Variants in DDX10 observed in about 807,000 individuals in gnomAD.
DDX10 encodes the protein DEAD-box helicase 10, also known as probable ATP-dependent RNA helicase DDX10.
DDX10 carries 74 observed loss-of-function variants against 104.3 expected under a neutral mutation model. That is an observed-to-expected ratio of 0.71 (90% CI 0.59 to 0.86). DDX10 has a LOEUF of 0.86. Ranked by LOEUF, DDX10 falls within the 40% of genes least tolerant of loss-of-function variation. The pLI, the probability that DDX10 is intolerant of heterozygous loss-of-function variation, is 0.00. For missense variants in DDX10, 952 were observed against 1,040.0 expected (o/e 0.92, Z 1.16); for synonymous variants, 351 against 353.4 (o/e 0.99, Z 0.08).
chr11:108,805,388 G>A (rs995525881), intron 13 of DDX10, among the ~76,000 whole-genome samples: 9 of 152,176 alleles, frequency 5.9e-5, no homozygotes, highest in Admixed American at 1.3e-4. Context: ...AGTTGCTTTT[G>A]TTTAAAGTAG....
At chr11:108,791,188 C>T (rs1329852860) in intron 13 of DDX10, among the ~76,000 whole-genome samples, 1 of 152,212 alleles carries the variant, frequency 6.6e-6, no homozygotes, top group African/African-American at 2.4e-5. Context: ...AGCTACCATG[C>T]TGTGGGAAAA....
intron 17 of DDX10, among the ~76,000 whole-genome samples, chr11:108,933,653 G>A (rs896847779): frequency 7.2e-5 from 11 of 152,122 alleles, no homozygotes; most frequent in Non-Finnish European, 1.5e-4. Flanking sequence ...CGCCATTAGT[G>A]TTTTAATTTT....
At chr11:108,925,204 A>G (rs1863891858) in intron 17 of DDX10, among the ~76,000 whole-genome samples, 2 of 152,342 alleles carry the variant, frequency 1.3e-5, no homozygotes, top group South Asian at 4.1e-4. Context: ...AGGTTGCTAC[A>G]CATTGGGGAA....
chr11:108,889,012 G>A (rs1284514248), intron 16 of DDX10, among the ~76,000 whole-genome samples: 3 of 152,096 alleles, frequency 2.0e-5, no homozygotes, highest in Admixed American at 1.3e-4. Flanking sequence ...TAGAAATAAA[G>A]GCCCATCAAA....
chr11:108,725,338 A>G (rs1265590037), intron 13 of DDX10, among the ~76,000 whole-genome samples: 1 of 152,056 alleles, frequency 6.6e-6, no homozygotes, highest in African/African-American at 2.4e-5. Flanking sequence ...TTTTCTAGGA[A>G]TAGGGTTACT....
At chr11:108,737,420 T>C (rs1309331818) in intron 13 of DDX10, among the ~76,000 whole-genome samples, 1 of 152,228 alleles carries the variant, frequency 6.6e-6, no homozygotes. Flanking sequence ...GGTCTTGATA[T>C]ACTGTTGGGC....
intron 16 of DDX10, among the ~76,000 whole-genome samples, chr11:108,855,495 T>C (rs1053932173): frequency 6.6e-6 from 1 of 152,218 alleles, no homozygotes; most frequent in African/African-American, 2.4e-5. Context: ...AGTCTCGCTC[T>C]GTCACCGAGG....
intron 13 of DDX10, among the ~76,000 whole-genome samples, chr11:108,780,448 A>G (rs1201065896): frequency 6.6e-6 from 1 of 152,078 alleles, no homozygotes; most frequent in African/African-American, 2.4e-5. Context: ...GTGCTTCCCT[A>G]TAGGTCTAGT....
intron 13 of DDX10, among the ~76,000 whole-genome samples, chr11:108,780,755 C>G (rs993687178): frequency 6.6e-6 from 1 of 152,074 alleles, no homozygotes; most frequent in Non-Finnish European, 1.5e-5. Flanking sequence ...ACAACTTGCT[C>G]TTTTTATTTG....
chr11:108,674,843 T>C (rs1275912581), intron 2 of DDX10, among the ~76,000 whole-genome samples: 2 of 152,220 alleles, frequency 1.3e-5, no homozygotes, highest in Non-Finnish European at 2.9e-5. Context: ...TTCTTCCTTC[T>C]AACTGAAATT....
intron 16 of DDX10, among the ~76,000 whole-genome samples, chr11:108,915,141 CATT>C (rs1181871558): frequency 1.3e-5 from 2 of 152,048 alleles, no homozygotes; most frequent in African/African-American, 4.8e-5. Context: ...TAGTGAAAAA[CATT>C]ATCAGATCCA....
Position 108,723,351 on chromosome 11 carries a change from A to G in DDX10, c.1854A>G (p.Glu618=). ...PNTSEAQKIK[E]VPTQFLDRDE... Reference sequence around the variant, plus strand: ...CCAGTGAGGCACAGAAGATCAAGGAAGTTCCTACACAGTTCTTGGACAGAG... The same window carrying G: ...CCAGTGAGGCACAGAAGATCAAGGAGGTTCCTACACAGTTCTTGGACAGAG... Residue 618 remains glutamate, a synonymous_variant, in exon 13 of 18, where the codon GAA becomes GAG. Coordinates refer to ENST00000322536, the MANE Select transcript of DDX10 (RefSeq NM_004398.4). 6.2e-7 allele frequency: 1 copy of G among 1,614,000 alleles called. No homozygotes were observed. Among genetic ancestry groups the G allele is most frequent in the East Asian group, 2.2e-5 (1 of 44,858 alleles).
intron 16 of DDX10, among the ~76,000 whole-genome samples, chr11:108,911,487 G>C (rs549385728): frequency 1.3e-5 from 2 of 150,952 alleles, no homozygotes; most frequent in East Asian, 3.9e-4. Context: ...TCTTGTAAGG[G>C]CACTAATCTC....
At chr11:108,706,363 T>A (rs79144121) in intron 9 of DDX10, among the ~76,000 whole-genome samples, 6,739 of 149,146 alleles carry the variant, frequency 0.045, 418 homozygotes, top group African/African-American at 0.14. Context: ...GATTTTTTTT[T>A]AAAAAAAGTA....
intron 16 of DDX10, among the ~76,000 whole-genome samples, chr11:108,900,003 C>T (rs1863494365): frequency 6.6e-6 from 1 of 152,042 alleles, no homozygotes; most frequent in Non-Finnish European, 1.5e-5. Context: ...ATCCCAGCTA[C>T]TTGGGAGGCT....
chr11:108,774,958 A>G (rs962337361), intron 13 of DDX10, among the ~76,000 whole-genome samples: 1 of 152,224 alleles, frequency 6.6e-6, no homozygotes, highest in Non-Finnish European at 1.5e-5. Flanking sequence ...GGCCGGCAGC[A>G]TATTGACCTT....
intron 9 of DDX10, among the ~76,000 whole-genome samples, chr11:108,698,415 T>C (rs781735266): frequency 1.3e-5 from 2 of 152,212 alleles, no homozygotes; most frequent in Non-Finnish European, 2.9e-5. Flanking sequence ...TCCTCGTAGA[T>C]AGTGGCTGAT....
At position 108,768,065 on chromosome 11, in the gene DDX10, A is replaced by G. The variant is rs1240298682; in HGVS notation, c.1965+44603A>G. On this transcript the variant is annotated intron_variant, in intron 13 of 17. Transcript: ENST00000322536. ...CATTTTCTTTTCTCTAGCTTACTTT[A>G]TTGTAAGACTGTGATATATAATACA... 2.0e-5 allele frequency: 3 copies of G among 152,212 alleles called. No homozygotes were observed. The East Asian group carries it at 5.8e-4, about 29-fold the overall frequency. The allele number at this position is 152,212 out of a possible 1,614,324, so 9.4% of individuals were successfully genotyped here. A position where few individuals can be genotyped will look rare whatever the true frequency, so the allele number is the denominator to read the frequency against.
chr11:108,933,972 C>A (rs1864006466), intron 17 of DDX10, among the ~76,000 whole-genome samples: 1 of 152,144 alleles, frequency 6.6e-6, no homozygotes, highest in African/African-American at 2.4e-5. Context: ...CAGTTTTTGT[C>A]CTTAGGGAAC....
Sources: allele counts gnomAD v4.1 joint callset (sites outside exome capture counted in the v4.1 genomes callset), GRCh38; gene constraint gnomAD v4.1.1; transcripts MANE v1.5; gene names NCBI Gene and HGNC (gene_info 2026-07-23, HGNC 2026-07-21).